Variants in RTL4 observed in about 807,000 individuals in gnomAD.
The protein encoded by RTL4 is retrotransposon Gag-like protein 4.
Under a neutral mutation model 5.3 loss-of-function variants are expected in RTL4, and 4 were observed. The ratio of observed to expected loss-of-function variants is 0.75; its 90% CI spans 0.37 to 1.72. The LOEUF (loss-of-function observed/expected upper bound fraction) is 1.72. Ranked by LOEUF, RTL4 falls within the 40% of genes most tolerant of loss-of-function variation. The probability of loss-of-function intolerance (pLI) is 0.04; values close to 1 mark genes in which losing one functional copy is unlikely to be tolerated. For missense variants in RTL4, 260 were observed against 227.1 expected (o/e 1.14, Z -0.93); for synonymous variants, 98 against 87.3 (o/e 1.12, Z -0.68).
At chrX:112,209,597 G>A in the RTL4 span, among the ~76,000 whole-genome samples, 1 of 111,717 alleles carries the variant, frequency 9.0e-6, no homozygotes. Context: ...AGAGAAGGCA[G>A]GGTGGCAGGA....
At chrX:112,303,279 C>T in the RTL4 span, among the ~76,000 whole-genome samples, 3 of 110,945 alleles carry the variant, frequency 2.7e-5, no homozygotes, top group South Asian at 3.8e-4. Context: ...GAGTTCATTA[C>T]GTGTTAATTA....
the RTL4 span, among the ~76,000 whole-genome samples, chrX:112,224,305 C>CATTTATTT: frequency 1.1e-3 from 96 of 90,764 alleles, no homozygotes; most frequent in African/African-American, 1.8e-3. Flanking sequence ...CTTCCAGATA[C>CATTTATTT]ATTTATTTAT....
At chrX:112,168,935 TTCTTTTTCTTTCTTTC>T in the RTL4 span, among the ~76,000 whole-genome samples, 129 of 58,449 alleles carry the variant, frequency 2.2e-3, no homozygotes, top group African/African-American at 7.2e-3. Flanking sequence ...CTTTCTTTCT[TTCTTTTTCTTTCTTTC>T]TTTCTTTCTT....
At chrX:112,165,202 T>C in the RTL4 span, among the ~76,000 whole-genome samples, 5 of 112,299 alleles carry the variant, frequency 4.5e-5, no homozygotes, top group African/African-American at 1.6e-4. Context: ...CCATATAGCA[T>C]ATTTCCATCC....
At chrX:112,145,098 C>G in the RTL4 span, among the ~76,000 whole-genome samples, 1 of 111,039 alleles carries the variant, frequency 9.0e-6, no homozygotes, top group African/African-American at 3.3e-5. Flanking sequence ...ATGTTTGCAA[C>G]AGGTGATGTT....
chrX:112,234,211 A>C, the RTL4 span, among the ~76,000 whole-genome samples: 1 of 111,000 alleles, frequency 9.0e-6, no homozygotes, highest in South Asian at 3.8e-4. Context: ...AAATTAAATT[A>C]AATTAAAAAA....
At chrX:112,318,038 T>C in the RTL4 span, among the ~76,000 whole-genome samples, 1 of 112,240 alleles carries the variant, frequency 8.9e-6, no homozygotes, top group Admixed American at 9.5e-5. Context: ...TTTCAAAATA[T>C]TTATTGATCA....
chrX:112,320,758 G>A, the RTL4 span, among the ~76,000 whole-genome samples: 4 of 111,389 alleles, frequency 3.6e-5, no homozygotes, highest in Non-Finnish European at 7.5e-5. Context: ...TCACTTTGTG[G>A]CTTCAAAGTC....
the RTL4 span, among the ~76,000 whole-genome samples, chrX:112,180,699 T>C: frequency 8.9e-6 from 1 of 111,980 alleles, no homozygotes; most frequent in South Asian, 3.8e-4. Flanking sequence ...TCTCCTTAAA[T>C]ATAAGAGGAA....
At chrX:112,256,744 TTAGATA>T in the RTL4 span, among the ~76,000 whole-genome samples, 1 of 112,197 alleles carries the variant, frequency 8.9e-6, no homozygotes, top group East Asian at 2.8e-4. Context: ...ACTTCTGTTG[TTAGATA>T]TATTCTTTAG....
the RTL4 span, among the ~76,000 whole-genome samples, chrX:112,147,898 G>C: frequency 9.0e-6 from 1 of 111,718 alleles, no homozygotes; most frequent in Non-Finnish European, 1.9e-5. Context: ...GCCTGTAAAA[G>C]TCAGACCTCC....
the RTL4 span, among the ~76,000 whole-genome samples, chrX:112,098,065 C>G: frequency 1.8e-5 from 2 of 109,785 alleles, no homozygotes; most frequent in African/African-American, 6.7e-5. Flanking sequence ...CACATTAACT[C>G]GCCATTTAAC....
At chrX:112,105,863 C>A in the RTL4 span, among the ~76,000 whole-genome samples, 1 of 111,509 alleles carries the variant, frequency 9.0e-6, no homozygotes, top group African/African-American at 3.2e-5. Flanking sequence ...ACTCATACGT[C>A]TTTTTATTTT....
At chrX:112,282,547 A>T in the RTL4 span, among the ~76,000 whole-genome samples, 2 of 111,934 alleles carry the variant, frequency 1.8e-5, no homozygotes, top group African/African-American at 6.5e-5. Flanking sequence ...GTGAATTTTC[A>T]TAGGGTATGT....
the RTL4 span, among the ~76,000 whole-genome samples, chrX:112,285,744 T>C: frequency 6.3e-5 from 7 of 111,598 alleles, no homozygotes; most frequent in South Asian, 2.6e-3. Context: ...CTTATGACTT[T>C]CAAATTTATA....
chrX:112,218,681 C>T, the RTL4 span, among the ~76,000 whole-genome samples: 132 of 111,389 alleles, frequency 1.2e-3, no homozygotes, highest in African/African-American at 4.0e-3. Flanking sequence ...GATTGTGATT[C>T]GGGATTTGGT....
chrX:112,120,571 C>T, the RTL4 span, among the ~76,000 whole-genome samples: 1 of 103,998 alleles, frequency 9.6e-6, no homozygotes, highest in East Asian at 2.9e-4. Flanking sequence ...GCCACCACGC[C>T]CGGCTGGGGT....
chrX:112,310,411 TA>T, the RTL4 span, among the ~76,000 whole-genome samples: 13 of 25,622 alleles, frequency 5.1e-4, 1 homozygote, highest in East Asian at 0.016. Flanking sequence ...TATATATATA[TA>T]TATTTAATAT....
the RTL4 span, among the ~76,000 whole-genome samples, chrX:112,419,581 A>ATATATATATTTACATATGTATATG: frequency 1.1e-4 from 4 of 36,000 alleles, no homozygotes; most frequent in South Asian, 3.6e-3. Flanking sequence ...GGTAGTATAT[A>ATATATATATTTACATATGTATATG]TATATATATA....
Sources: allele counts gnomAD v4.1 joint callset (sites outside exome capture counted in the v4.1 genomes callset), GRCh38; gene constraint gnomAD v4.1.1; transcripts MANE v1.5; gene names NCBI Gene and HGNC (gene_info 2026-07-23, HGNC 2026-07-21).